Variants in ARID5B observed in about 807,000 individuals in gnomAD.
ARID5B encodes the protein AT-rich interaction domain 5B.
Under a neutral mutation model 97.2 loss-of-function variants are expected in ARID5B, and 13 were observed. The ratio of observed to expected loss-of-function variants is 0.13; its 90% CI spans 0.09 to 0.21. The LOEUF is 0.21. Among genes scored for constraint, ARID5B ranks in the 10% least tolerant of loss-of-function variants. The pLI, the probability that ARID5B is intolerant of heterozygous loss-of-function variation, is 1.00. For missense variants in ARID5B, 1,210 were observed against 1,465.3 expected, an observed-to-expected ratio of 0.83 and a Z score of 2.84; for synonymous variants, 556 against 570.3, an observed-to-expected ratio of 0.97 and a Z score of 0.36.
At chr10:61,978,162 A>G (rs1043371010) in intron 3 of ARID5B, among the ~76,000 whole-genome samples, 15 of 152,244 alleles carry the variant, frequency 9.9e-5, no homozygotes, top group African/African-American at 3.6e-4. Flanking sequence ...CAAAGATCAG[A>G]TGGTTGTAGA....
chr10:61,948,533 A>C (rs1043517678), intron 3 of ARID5B, among the ~76,000 whole-genome samples: 21 of 151,648 alleles, frequency 1.4e-4, no homozygotes, highest in African/African-American at 5.1e-4. Flanking sequence ...CATCCGGCTA[A>C]TTTTTTTGTA....
At position 62,000,874 on chromosome 10, in the gene ARID5B, T is replaced by TA. The variant is rs1554843604; in HGVS notation, c.733+553_733+554insA. 4.1e-5 allele frequency among the ~76,000 whole-genome samples: 6 copies of TA among 148,092 alleles called. No homozygotes were observed. Among genetic ancestry groups the TA allele is most frequent in the Non-Finnish European group, 3.0e-5 (2 of 66,542 alleles). On this transcript the variant is annotated intron_variant, in intron 4 of 9. Coordinates refer to ENST00000279873, the MANE Select transcript of ARID5B (RefSeq NM_032199.3). The surrounding 1 kb of genome is among the most constrained non-coding windows in gnomAD (Gnocchi z 4.4). The stretch of plus-strand genomic sequence containing the variant: ...ATAGATAGATAGATAGATAGATAGA[T>TA]GATAGGTGATAGATATCCATGTCCT...
intron 3 of ARID5B, among the ~76,000 whole-genome samples, chr10:61,953,223 G>A (rs899310204): frequency 2.0e-5 from 3 of 152,046 alleles, no homozygotes; most frequent in African/African-American, 4.8e-5. Context: ...TATTCTGTTA[G>A]GCCTTACAAA....
intron 8 of ARID5B, among the ~76,000 whole-genome samples, chr10:62,079,988 A>G (rs1840190422): frequency 6.6e-6 from 1 of 152,148 alleles, no homozygotes; most frequent in East Asian, 1.9e-4. Flanking sequence ...TACCTACCTC[A>G]TTTTTAAAGT....
At chr10:61,990,635 T>G (rs1838910851) in intron 3 of ARID5B, among the ~76,000 whole-genome samples, 1 of 152,230 alleles carries the variant, frequency 6.6e-6, no homozygotes, top group Non-Finnish European at 1.5e-5. Context: ...CCAGGATATA[T>G]TCTAGTTGTG....
chr10:61,957,333 A>G (rs1838405426), intron 3 of ARID5B, among the ~76,000 whole-genome samples: 1 of 152,128 alleles, frequency 6.6e-6, no homozygotes, highest in African/African-American at 2.4e-5. Context: ...CAGTGGTGCG[A>G]TCTCGGCTCA....
chr10:62,086,007 G>A, intron 9 of ARID5B, 107 bp downstream of exon 9: 1 of 1,206,174 alleles, frequency 8.3e-7, no homozygotes, highest in South Asian at 1.5e-5. Context: ...TGGATGGCTT[G>A]ATGAAGAAAC....
At chr10:62,031,861 C>T (rs1467047525) in intron 4 of ARID5B, among the ~76,000 whole-genome samples, 7 of 152,130 alleles carry the variant, frequency 4.6e-5, no homozygotes, top group Non-Finnish European at 7.3e-5. Context: ...CTGTGAAAAC[C>T]TCATGATTTT....
intron 3 of ARID5B, among the ~76,000 whole-genome samples, chr10:61,949,877 G>A (rs1838298477): frequency 6.6e-6 from 1 of 152,266 alleles, no homozygotes; most frequent in Admixed American, 6.5e-5. Flanking sequence ...GTCTTATGCG[G>A]CCTTGGCTTC....
At position 62,094,745 on chromosome 10, in the gene ARID5B, C is replaced by T. The variant is rs755305467; in HGVS notation, c.*1715C>T. The T allele has an allele frequency of 3.5e-5, 8 of 231,550 alleles. No individual in the cohort carries two copies. The highest frequency in any genetic ancestry group is 5.1e-5 in the Non-Finnish European group (6 of 117,102). The allele number at this position is 231,550 out of a possible 1,614,324, so 14.3% of individuals were successfully genotyped here. On this transcript the variant is annotated 3_prime_UTR_variant, in exon 10 of 10. Coordinates refer to ENST00000279873, the MANE Select transcript of ARID5B (RefSeq NM_032199.3). Reference sequence around the variant, plus strand: ...CCCAAGTCCCATCCCTGCTGAAGACCGCTTGGATGAACTCCCCAACCCACT... The same window carrying T: ...CCCAAGTCCCATCCCTGCTGAAGACTGCTTGGATGAACTCCCCAACCCACT...
chr10:61,908,481 CT>C (rs145050032), intron 2 of ARID5B, among the ~76,000 whole-genome samples: 3,072 of 152,238 alleles, frequency 0.02, 89 homozygotes, highest in African/African-American at 0.07. Flanking sequence ...TGAAAACCTA[CT>C]GTGTGCTGGC....
intron 6 of ARID5B, 82 bp from the exon 7 acceptor site, chr10:62,059,160 TG>T (rs1839892226): frequency 7.0e-6 from 8 of 1,148,844 alleles, no homozygotes; most frequent in South Asian, 5.9e-5. Context: ...TCTTTCTCGT[TG>T]AAAAAAAAAA....
rs562721813 is a variant in ARID5B at position 62,082,076 on chromosome 10, C to T, written c.1200-3626C>T. Among the ~76,000 whole-genome samples the T allele has an allele frequency of 2.6e-4, 40 of 152,050 alleles. No homozygotes were observed. In the South Asian group the frequency reaches 7.9e-3, roughly 30 times the overall value. ...AGTGACTGAATTTAATAAGAATCTC[C>T]GTGATAGCAAAAGGCCCCCCTACTG... On this transcript the variant is annotated intron_variant, in intron 8 of 9. Coordinates refer to ENST00000279873, the MANE Select transcript of ARID5B (RefSeq NM_032199.3).
At chr10:62,077,225 C>G (rs1050893418) in intron 8 of ARID5B, among the ~76,000 whole-genome samples, 19 of 152,180 alleles carry the variant, frequency 1.2e-4, no homozygotes, top group Admixed American at 9.2e-4. Context: ...GTCTGTATCA[C>G]TCAGCATGCC....
At chr10:61,932,173 A>G (rs1844221401) in intron 2 of ARID5B, among the ~76,000 whole-genome samples, 1 of 152,212 alleles carries the variant, frequency 6.6e-6, no homozygotes, top group Admixed American at 6.5e-5. Context: ...CATTTACACC[A>G]TACTGTAGTC....
intron 7 of ARID5B, among the ~76,000 whole-genome samples, chr10:62,062,832 C>T (rs970888638): frequency 9.3e-5 from 14 of 150,086 alleles, no homozygotes; most frequent in African/African-American, 3.4e-4. Flanking sequence ...CAGTTCATAG[C>T]CTCATTTTAC....
At chr10:62,066,463 A>T (rs1377216745) in intron 7 of ARID5B, among the ~76,000 whole-genome samples, 2 of 152,192 alleles carry the variant, frequency 1.3e-5, no homozygotes, top group Non-Finnish European at 2.9e-5. Context: ...GAAGCTCAGT[A>T]AATAGAGGAA....
chr10:62,024,997 G>A (rs879386114), intron 4 of ARID5B: 16 of 221,178 alleles, frequency 7.2e-5, no homozygotes, highest in Non-Finnish European at 1.3e-4. Context: ...ATTCGTTTTC[G>A]TAGAACATTA....
intron 7 of ARID5B, among the ~76,000 whole-genome samples, 160 bp downstream of exon 7, chr10:62,059,455 A>G (rs1311568491): frequency 2.0e-5 from 3 of 152,186 alleles, no homozygotes; most frequent in African/African-American, 7.2e-5. Flanking sequence ...AAACAGTCCC[A>G]ATTAGTTCCA....
Sources: gnomAD v4.1 joint callset for allele counts (sites outside exome capture counted in the v4.1 genomes callset) on GRCh38, gnomAD v4.1.1 for gene constraint, Gnocchi (gnomAD v3.1) non-coding constraint, MANE v1.5 for transcripts, NCBI Gene and HGNC (gene_info 2026-07-23, HGNC 2026-07-21) for gene names.